Variants in EFR3B observed in about 807,000 individuals in gnomAD.
EFR3B encodes the protein protein EFR3 homolog B.
A neutral mutation model predicts 104.7 loss-of-function variants in EFR3B; 64 were observed. The ratio of observed to expected loss-of-function variants is 0.61; its 90% CI spans 0.50 to 0.75. EFR3B has a LOEUF of 0.75. EFR3B is among the 30% of genes least tolerant of loss of function. The probability of loss-of-function intolerance (pLI) is 0.00; values close to 1 mark genes in which losing one functional copy is unlikely to be tolerated. For synonymous variants in EFR3B, 385 were observed against 417.9 expected (o/e 0.92, Z 0.96); for missense variants, 750 against 1,078.5 (o/e 0.70, Z 4.27).
chr2:25,055,246 A>C (rs1293545357), intron 1 of EFR3B, among the ~76,000 whole-genome samples: 1 of 152,252 alleles, frequency 6.6e-6, no homozygotes, highest in Non-Finnish European at 1.5e-5. Flanking sequence ...TGGCAATTGC[A>C]CGTGTCTTAT....
At position 25,121,191 on chromosome 2, in the gene EFR3B, T is replaced by C. The variant is rs192827255; in HGVS notation, c.364-482T>C. Among the ~76,000 whole-genome samples the C allele has an allele frequency of 3.9e-4, 60 of 152,336 alleles. No individual in the cohort carries two copies. In the East Asian group the frequency reaches 0.011, roughly 27 times the overall value. On this transcript the variant is annotated intron_variant, in intron 4 of 22. Coordinates refer to ENST00000403714, the MANE Select transcript of EFR3B (RefSeq NM_014971.2). Reference sequence around the variant, plus strand: ...TGCTGGGATTACAGGCATGAGCCACTGTACCTGGCCAAACTCCAGTTTCTA... The same window carrying C: ...TGCTGGGATTACAGGCATGAGCCACCGTACCTGGCCAAACTCCAGTTTCTA...
At chr2:25,081,188 C>A in intron 1 of EFR3B, 1 of 767,632 alleles carries the variant, frequency 1.3e-6, no homozygotes, top group Admixed American at 2.1e-5. Flanking sequence ...ACAACTTTTT[C>A]CCAATCATTT....
intron 4 of EFR3B, among the ~76,000 whole-genome samples, chr2:25,113,320 A>G (rs1669772685): frequency 6.6e-6 from 1 of 152,230 alleles, no homozygotes; most frequent in Non-Finnish European, 1.5e-5. Context: ...AATAAAAGTC[A>G]TCTGTAAAGT....
chr2:25,066,091 C>T (rs892020204), intron 1 of EFR3B, among the ~76,000 whole-genome samples: 2 of 152,108 alleles, frequency 1.3e-5, no homozygotes, highest in South Asian at 4.2e-4. Context: ...CACTTCACTG[C>T]GGGCTGGAGA....
Position 25,042,382 on chromosome 2 carries a change from C to T in EFR3B, c.7+63C>T. On this transcript the variant is annotated intron_variant, in intron 1 of 22. Transcript: ENST00000403714. This position sits in a 1 kb window ranked among gnomAD's most constrained non-coding sequence, Gnocchi z 5.4. Reference sequence around the variant, plus strand: ...GGCGACTCCGCAAACTTCCCCGGCGCGGACCATTGTCCCCCTGCACGGCCC... The same window carrying T: ...GGCGACTCCGCAAACTTCCCCGGCGTGGACCATTGTCCCCCTGCACGGCCC... 2.4e-6 allele frequency: 3 copies of T among 1,235,212 alleles called. No homozygotes were observed. Among genetic ancestry groups the T allele is most frequent in the Non-Finnish European group, 3.0e-6 (3 of 988,224 alleles). The allele number at this position is 1,235,212 out of a possible 1,614,324, so 76.5% of individuals were successfully genotyped here. A position where few individuals can be genotyped will look rare whatever the true frequency, so the allele number is the denominator to read the frequency against.
chr2:25,142,838 A>C (rs1670709468), intron 17 of EFR3B, among the ~76,000 whole-genome samples: 1 of 151,420 alleles, frequency 6.6e-6, no homozygotes, highest in Admixed American at 6.6e-5. Context: ...GAGGCAGAGC[A>C]GGAAGATCAC....
chr2:25,126,761 C>T (rs1469575893), intron 5 of EFR3B, among the ~76,000 whole-genome samples: 2 of 152,030 alleles, frequency 1.3e-5, no homozygotes, highest in Non-Finnish European at 2.9e-5. Context: ...TCCCAAAGTG[C>T]TGGGGTTACA....
rs1671180398 is a variant in EFR3B, at chr2:25,156,729, ACTTCT to A, written c.*2393_*2397del. 1 of 152,094 alleles carries A rather than the reference ACTTCT, an allele frequency of 6.6e-6. No individual in the cohort carries two copies. Among genetic ancestry groups the A allele is most frequent in the South Asian group, 2.1e-4 (1 of 4,830 alleles). 9.4% of individuals were successfully genotyped at this position (152,094 alleles called of 1,614,324 possible). ...CCCAATTTTACAAGCATGAACTTAG[ACTTCT>A]CTTTAGTATTTATATATTTAAAAAC... On this transcript the variant is annotated 3_prime_UTR_variant, in exon 23 of 23. Coordinates refer to ENST00000403714, the MANE Select transcript of EFR3B (RefSeq NM_014971.2).
intron 1 of EFR3B, among the ~76,000 whole-genome samples, chr2:25,053,615 C>T (rs539807561): frequency 7.9e-5 from 12 of 152,254 alleles, no homozygotes; most frequent in African/African-American, 2.9e-4. Context: ...AATTAAAACT[C>T]GTTCCCTGGC....
At chr2:25,074,084 G>A (rs1668567956) in intron 1 of EFR3B, among the ~76,000 whole-genome samples, 1 of 152,146 alleles carries the variant, frequency 6.6e-6, no homozygotes, top group African/African-American at 2.4e-5. Flanking sequence ...GACTCATAAT[G>A]GATACTCAAT....
intron 1 of EFR3B, among the ~76,000 whole-genome samples, chr2:25,076,869 G>A (rs1668646523): frequency 6.6e-6 from 1 of 152,210 alleles, no homozygotes; most frequent in Admixed American, 6.5e-5. Context: ...GACAGCTACT[G>A]ATTTGTGTGT....
Position 25,132,236 on chromosome 2 carries a change from G to A in EFR3B, c.1147+325G>A, listed in dbSNP as rs141591459. Among the ~76,000 whole-genome samples, 1,024 of 152,318 alleles carry A rather than the reference G, an allele frequency of 6.7e-3. 5 individuals are homozygous for A. Among genetic ancestry groups the A allele is most frequent in the Non-Finnish European group, 0.01 (714 of 68,020 alleles). On this transcript the variant is annotated intron_variant, in intron 10 of 22. Coordinates refer to ENST00000403714, the MANE Select transcript of EFR3B (RefSeq NM_014971.2). ...GGCTGGGCAGGGCCTGAGCGACAGC[G>A]CAAGCAGTCAGATGAGTGTCTCAGA...
intron 1 of EFR3B, among the ~76,000 whole-genome samples, chr2:25,077,480 G>T (rs1337287920): frequency 6.6e-6 from 1 of 152,140 alleles, no homozygotes; most frequent in African/African-American, 2.4e-5. Context: ...TAGTAGAGAT[G>T]GGGTTTCACC....
At chr2:25,122,660 C>T (rs1286994455) in intron 5 of EFR3B, among the ~76,000 whole-genome samples, 1 of 152,120 alleles carries the variant, frequency 6.6e-6, no homozygotes, top group African/African-American at 2.4e-5. Context: ...CACTGCATCG[C>T]CTCTGTCAAA....
intron 4 of EFR3B, among the ~76,000 whole-genome samples, chr2:25,104,873 G>A (rs1021626464): frequency 7.9e-5 from 12 of 152,196 alleles, no homozygotes; most frequent in East Asian, 1.9e-4. Flanking sequence ...AAATGGCTGC[G>A]GTCGTGGGAG....
At chr2:25,124,266 C>G (rs1670099534) in intron 5 of EFR3B, among the ~76,000 whole-genome samples, 1 of 135,588 alleles carries the variant, frequency 7.4e-6, no homozygotes, top group South Asian at 2.4e-4. Context: ...AGCAGTGGGC[C>G]TGTGCATGCA....
At chr2:25,071,979 C>T (rs891798461) in intron 1 of EFR3B, among the ~76,000 whole-genome samples, 8 of 152,206 alleles carry the variant, frequency 5.3e-5, no homozygotes, top group Non-Finnish European at 8.8e-5. Flanking sequence ...GACTCTGGCC[C>T]CAGTTCCTCT....
chr2:25,096,353 C>T (rs1484872215), intron 3 of EFR3B, among the ~76,000 whole-genome samples: 2 of 152,304 alleles, frequency 1.3e-5, no homozygotes, highest in East Asian at 3.9e-4. Flanking sequence ...CTTTCATCTC[C>T]TCTAGCCTTT....
chr2:25,052,086 C>T (rs1166328056), intron 1 of EFR3B, among the ~76,000 whole-genome samples: 1 of 151,542 alleles, frequency 6.6e-6, no homozygotes, highest in African/African-American at 2.4e-5. Flanking sequence ...ATCCCAGCTA[C>T]TCAGGAGGCT....
Sources: gnomAD v4.1 joint callset for allele counts (sites outside exome capture counted in the v4.1 genomes callset) on GRCh38, gnomAD v4.1.1 for gene constraint, Gnocchi (gnomAD v3.1) non-coding constraint, MANE v1.5 for transcripts, NCBI Gene and HGNC (gene_info 2026-07-23, HGNC 2026-07-21) for gene names.